The following GNAQ variants were observed in gnomAD, a reference collection of about 807,000 sequenced individuals.
GNAQ encodes G protein subunit alpha q.
In GNAQ, 8 loss-of-function variants were observed where a neutral mutation model predicts 43.9. The observed-to-expected ratio is 0.18, with a 90% CI of 0.11 to 0.33. The LOEUF (loss-of-function observed/expected upper bound fraction) is 0.33. Among genes scored for constraint, GNAQ ranks in the 10% least tolerant of loss-of-function variants. The pLI is 1.00. For synonymous variants in GNAQ, 155 were observed against 170.7 expected (o/e 0.91, Z 0.71); for missense variants, 158 against 450.8 (o/e 0.35, Z 5.88).
chr9:77,860,646 G>C (rs1377991679), intron 2 of GNAQ, among the ~76,000 whole-genome samples: 1 of 152,224 alleles, frequency 6.6e-6, no homozygotes, highest in East Asian at 1.9e-4. Flanking sequence ...GCGAAGCTCA[G>C]GCAGTAATAC....
chr9:77,939,075 C>T (rs1232196964), intron 1 of GNAQ, among the ~76,000 whole-genome samples: 2 of 152,136 alleles, frequency 1.3e-5, no homozygotes, highest in Admixed American at 1.3e-4. Context: ...GGGAGAGACA[C>T]CAGTACAAAT....
intron 6 of GNAQ, among the ~76,000 whole-genome samples, chr9:77,725,660 T>C (rs1422367280): frequency 6.7e-6 from 1 of 149,500 alleles, no homozygotes; most frequent in Non-Finnish European, 1.5e-5. Context: ...AAAATGCTTG[T>C]AGTGGTGGGG....
chr9:77,872,387 G>T (rs1828051766), intron 2 of GNAQ, among the ~76,000 whole-genome samples: 3 of 152,086 alleles, frequency 2.0e-5, no homozygotes, highest in Admixed American at 2.0e-4. Context: ...TCTCAACTGT[G>T]GCTTTCCCTT....
intron 1 of GNAQ, among the ~76,000 whole-genome samples, chr9:77,948,389 C>T (rs1227276669): frequency 6.6e-6 from 1 of 152,218 alleles, no homozygotes; most frequent in East Asian, 1.9e-4. Context: ...TAGCACTCAT[C>T]AGCCAGAGAT....
At chr9:77,904,872 A>C (rs1023319017) in intron 2 of GNAQ, among the ~76,000 whole-genome samples, 1 of 150,504 alleles carries the variant, frequency 6.6e-6, no homozygotes, top group Non-Finnish European at 1.5e-5. Context: ...ATTTTAAAGG[A>C]GACACACGAA....
chr9:77,772,095 A>G (rs1041481244), intron 5 of GNAQ, among the ~76,000 whole-genome samples: 3 of 152,138 alleles, frequency 2.0e-5, no homozygotes, highest in Non-Finnish European at 2.9e-5. Flanking sequence ...TACGGTGTAG[A>G]CCTGTAAACT....
chr9:77,842,335 C>T (rs146542575), intron 2 of GNAQ, among the ~76,000 whole-genome samples: 59 of 152,298 alleles, frequency 3.9e-4, no homozygotes, highest in Non-Finnish European at 5.6e-4. Flanking sequence ...TCCCTCTTTA[C>T]GGTCTGATCA....
chr9:78,011,784 G>A (rs1385148653), intron 1 of GNAQ, among the ~76,000 whole-genome samples: 2 of 152,096 alleles, frequency 1.3e-5, no homozygotes, highest in Admixed American at 1.3e-4. Flanking sequence ...GAGAGATACA[G>A]CAATTAGAGG....
intron 5 of GNAQ, among the ~76,000 whole-genome samples, chr9:77,787,640 A>G (rs1172241164): frequency 1.3e-5 from 2 of 152,236 alleles, no homozygotes; most frequent in Non-Finnish European, 1.5e-5. Context: ...ATAAGAGATT[A>G]TATCTTCATA....
chr9:77,954,524 T>C (rs1823019760), intron 1 of GNAQ, among the ~76,000 whole-genome samples: 2 of 152,212 alleles, frequency 1.3e-5, no homozygotes, highest in South Asian at 4.1e-4. Context: ...GCACACCCAC[T>C]GTGTCACCTC....
At chr9:77,900,068 C>T (rs138909175) in intron 2 of GNAQ, among the ~76,000 whole-genome samples, 1 of 152,310 alleles carries the variant, frequency 6.6e-6, no homozygotes, top group African/African-American at 2.4e-5. Context: ...AAAGCTATTT[C>T]TTGACTCAAT....
intron 5 of GNAQ, among the ~76,000 whole-genome samples, chr9:77,746,021 G>T (rs1356666916): frequency 1.3e-5 from 2 of 152,040 alleles, no homozygotes; most frequent in Non-Finnish European, 2.9e-5. Context: ...TAGAAAATAG[G>T]TCACATATAA....
At chr9:77,893,416 G>A (rs1375191702) in intron 2 of GNAQ, among the ~76,000 whole-genome samples, 2 of 152,190 alleles carry the variant, frequency 1.3e-5, no homozygotes, top group Admixed American at 1.3e-4. Flanking sequence ...GGTCTGAAAA[G>A]GGGAGGACCC....
At chr9:77,753,977 C>A (rs1336566672) in intron 5 of GNAQ, among the ~76,000 whole-genome samples, 2 of 152,160 alleles carry the variant, frequency 1.3e-5, no homozygotes, top group Non-Finnish European at 1.5e-5. Context: ...GAAAAAACTT[C>A]TCTTGAAAGC....
intron 2 of GNAQ, among the ~76,000 whole-genome samples, chr9:77,851,135 G>A (rs1240362225): frequency 6.6e-6 from 1 of 152,126 alleles, no homozygotes; most frequent in Non-Finnish European, 1.5e-5. Context: ...TAACATACTT[G>A]TTTTACTCAA....
At chr9:77,730,530 A>G (rs1825472068) in intron 5 of GNAQ, among the ~76,000 whole-genome samples, 1 of 152,238 alleles carries the variant, frequency 6.6e-6, no homozygotes, top group South Asian at 2.1e-4. Context: ...ACTTTTCCAA[A>G]GCAGATCTTT....
At chr9:77,941,175 A>C (rs1162278565) in intron 1 of GNAQ, among the ~76,000 whole-genome samples, 1 of 152,160 alleles carries the variant, frequency 6.6e-6, no homozygotes, top group Non-Finnish European at 1.5e-5. Flanking sequence ...TCTAAGGCAA[A>C]ATTGGAATTC....
At chr9:77,889,834 T>C (rs1828372228) in intron 2 of GNAQ, among the ~76,000 whole-genome samples, 1 of 152,216 alleles carries the variant, frequency 6.6e-6, no homozygotes, top group Admixed American at 6.5e-5. Context: ...CCCAAACTCT[T>C]AAATTATCAT....
At chr9:77,908,680 G>A (rs1408535198) in intron 2 of GNAQ, among the ~76,000 whole-genome samples, 1 of 152,150 alleles carries the variant, frequency 6.6e-6, no homozygotes, top group African/African-American at 2.4e-5. Flanking sequence ...AATGTCTCAT[G>A]GCCAAAATCC....
Sources: gnomAD v4.1 joint callset for allele counts (sites outside exome capture counted in the v4.1 genomes callset) on GRCh38, gnomAD v4.1.1 for gene constraint, MANE v1.5 for transcripts, NCBI Gene and HGNC (gene_info 2026-07-23, HGNC 2026-07-21) for gene names.